Variants in MARK2 observed in about 807,000 individuals in gnomAD.
MARK2 encodes serine/threonine-protein kinase MARK2.
Under a neutral mutation model 89.8 loss-of-function variants are expected in MARK2, and 16 were observed. That is an observed-to-expected ratio of 0.18 (90% CI 0.12 to 0.27). The LOEUF is 0.27. MARK2 is among the 10% of genes least tolerant of loss of function. MARK2 has a pLI of 1.00. For missense variants in MARK2, 621 were observed against 1,049.9 expected, an observed-to-expected ratio of 0.59 and a Z score of 5.65; for synonymous variants, 382 against 399.5, an observed-to-expected ratio of 0.96 and a Z score of 0.52.
intron 1 of MARK2, among the ~76,000 whole-genome samples, chr11:63,846,080 G>A (rs1000284369): frequency 1.3e-5 from 2 of 152,132 alleles, no homozygotes; most frequent in Non-Finnish European, 2.9e-5. Flanking sequence ...CACCCAGAGA[G>A]AATCTGGCCT....
intron 1 of MARK2, among the ~76,000 whole-genome samples, chr11:63,849,595 A>T (rs2016461495): frequency 6.6e-6 from 1 of 152,206 alleles, no homozygotes; most frequent in African/African-American, 2.4e-5. Context: ...TCAACTGGAA[A>T]TACAAAAATT....
chr11:63,843,990 C>G (rs2016152546), intron 1 of MARK2, among the ~76,000 whole-genome samples: 1 of 152,080 alleles, frequency 6.6e-6, no homozygotes, highest in Admixed American at 6.6e-5. Context: ...CTCACTCTGT[C>G]CTTTGATTCT....
intron 1 of MARK2, among the ~76,000 whole-genome samples, chr11:63,882,140 G>T (rs1939126178): frequency 6.6e-6 from 1 of 152,086 alleles, no homozygotes; most frequent in South Asian, 2.1e-4. Context: ...TTTAGTATGT[G>T]TAGATCTGGG....
At chr11:63,893,193 A>AT (rs903731688) in intron 1 of MARK2, among the ~76,000 whole-genome samples, 3 of 149,076 alleles carry the variant, frequency 2.0e-5, no homozygotes, top group African/African-American at 5.0e-5. Flanking sequence ...TAATTTCTTA[A>AT]TTTTTTGTAG....
chr11:63,841,617 A>G (rs750795527), intron 1 of MARK2, among the ~76,000 whole-genome samples: 2 of 152,220 alleles, frequency 1.3e-5, no homozygotes, highest in Non-Finnish European at 2.9e-5. Context: ...CTGCTTAACC[A>G]GAGAACTTTC....
chr11:63,857,411 C>T (rs1017285289), intron 1 of MARK2, among the ~76,000 whole-genome samples: 3 of 151,766 alleles, frequency 2.0e-5, no homozygotes, highest in African/African-American at 7.3e-5. Context: ...GAACTCCTTA[C>T]CTCAGGTGAT....
intron 7 of MARK2, 52 bp from the exon 8 acceptor site, chr11:63,899,822 G>T: frequency 8.3e-7 from 1 of 1,205,270 alleles, no homozygotes. Context: ...TCCTGCCCAG[G>T]GCCTTAGTCT....
At chr11:63,857,107 G>A (rs978384279) in intron 1 of MARK2, among the ~76,000 whole-genome samples, 2 of 151,884 alleles carry the variant, frequency 1.3e-5, no homozygotes, top group African/African-American at 2.4e-5. Flanking sequence ...CACCACGCCC[G>A]GCCTAAATTT....
intron 1 of MARK2, among the ~76,000 whole-genome samples, chr11:63,891,150 T>C (rs3019783): frequency 1.3e-5 from 2 of 151,858 alleles, no homozygotes; most frequent in Non-Finnish European, 2.9e-5. Context: ...TTTTTTTTTT[T>C]CCTTTTTGTG....
At position 63,904,660 on chromosome 11, in the gene MARK2, T is replaced by C; in HGVS notation, c.1677-126T>C. The stretch of plus-strand genomic sequence containing the variant: ...CAGTAGTCACACCCTTCCTTCTGTG[T>C]CCTCGTGATGGCTGCCTCTGCCCTA... On this transcript the variant is annotated intron_variant, in intron 15 of 18. Transcript: ENST00000402010. The surrounding 1 kb of genome is among the most constrained non-coding windows in gnomAD (Gnocchi z 6.3). 1 of 766,286 alleles carries C rather than the reference T, an allele frequency of 1.3e-6. No homozygotes were observed. The highest frequency in any genetic ancestry group is 2.5e-5 in the East Asian group (1 of 40,510). The allele number at this position is 766,286 out of a possible 1,614,324, so 47.5% of individuals were successfully genotyped here. A position where few individuals can be genotyped will look rare whatever the true frequency, so the allele number is the denominator to read the frequency against.
At chr11:63,865,956 G>A (rs1938104827) in intron 1 of MARK2, among the ~76,000 whole-genome samples, 1 of 152,116 alleles carries the variant, frequency 6.6e-6, no homozygotes, top group Admixed American at 6.6e-5. Context: ...GGTGTGGGTG[G>A]TGAATAATGT....
intron 1 of MARK2, among the ~76,000 whole-genome samples, chr11:63,880,542 C>T (rs1939025594): frequency 6.6e-6 from 1 of 152,172 alleles, no homozygotes; most frequent in East Asian, 1.9e-4. Flanking sequence ...GAGTTGCATT[C>T]ATTGTCACAG....
intron 1 of MARK2, among the ~76,000 whole-genome samples, chr11:63,881,174 G>A (rs1939066871): frequency 6.6e-6 from 1 of 151,972 alleles, no homozygotes. Flanking sequence ...GCATGGTGGT[G>A]GGCACCTGTA....
At chr11:63,840,123 C>T (rs1236221732) in intron 1 of MARK2, among the ~76,000 whole-genome samples, 1 of 152,256 alleles carries the variant, frequency 6.6e-6, no homozygotes, top group East Asian at 1.9e-4. Flanking sequence ...CCAAATTGTG[C>T]TCTCCCTCTT....
At chr11:63,905,724 C>T (rs1018141694) in intron 16 of MARK2, among the ~76,000 whole-genome samples, 2 of 152,256 alleles carry the variant, frequency 1.3e-5, no homozygotes, top group African/African-American at 4.8e-5. Flanking sequence ...ACTGGCTGGC[C>T]TCCTGGGATG....
chr11:63,867,457 A>G (rs568727757), intron 1 of MARK2, among the ~76,000 whole-genome samples: 3 of 152,226 alleles, frequency 2.0e-5, no homozygotes, highest in Non-Finnish European at 4.4e-5. Flanking sequence ...GCCTTGTGAC[A>G]TTGGGGTTTT....
intron 1 of MARK2, among the ~76,000 whole-genome samples, chr11:63,877,211 G>A (rs1325967888): frequency 6.8e-6 from 1 of 146,824 alleles, no homozygotes; most frequent in Non-Finnish European, 1.5e-5. Flanking sequence ...CCCAGGCACA[G>A]GTGATCCTCC....
At position 63,847,103 on chromosome 11, in the gene MARK2, A is replaced by G. The variant is rs531294095; in HGVS notation, c.54+7543A>G. Among the ~76,000 whole-genome samples the G allele has an allele frequency of 5.3e-5, 8 of 152,342 alleles. No homozygotes were observed. The South Asian group carries it at 1.7e-3, about 32-fold the overall frequency. On this transcript the variant is annotated intron_variant, in intron 1 of 18. Coordinates refer to ENST00000402010, the MANE Select transcript of MARK2 (RefSeq NM_001039469.3). ...ATGCCACTGCATTCCAGCCTGGGCA[A>G]CAGAGTGAGACCCCATCTCAAGATA...
In MARK2 at chr11:63,900,669, C is replaced by T. The variant is rs1288048949; in HGVS notation, c.879C>T (p.Gly293=). Residue 293 remains glycine (G), a synonymous_variant, in exon 9 of 19, where the codon GGC becomes GGT. Transcript: ENST00000402010. The surrounding 1 kb of genome is among the most constrained non-coding windows in gnomAD (Gnocchi z 4.7). The part of the protein sequence containing the change: ...KFLILNPSKR[G]TLEQIMKDRW... ...TCATTCTTAATCCCAGCAAGAGAGG[C>T]ACTTTAGAGGTGAGCAGTGGAGCCC... 1 of 1,614,222 alleles carries T rather than the reference C, an allele frequency of 6.2e-7. No homozygotes were observed. The highest frequency in any genetic ancestry group is 1.3e-5 in the African/African-American group (1 of 75,062).
Sources: allele counts gnomAD v4.1 joint callset (sites outside exome capture counted in the v4.1 genomes callset), GRCh38; gene constraint gnomAD v4.1.1; non-coding constraint Gnocchi (gnomAD v3.1); transcripts MANE v1.5; gene names NCBI Gene and HGNC (gene_info 2026-07-23, HGNC 2026-07-21).